Variants in RNFT1 observed in about 807,000 individuals in gnomAD.
RNFT1 encodes the protein ring finger protein, transmembrane 1.
RNFT1 carries 35 observed loss-of-function variants against 53.2 expected under a neutral mutation model. The observed-to-expected ratio is 0.66, with a 90% CI of 0.50 to 0.87. The LOEUF (loss-of-function observed/expected upper bound fraction) is 0.87. Ranked by LOEUF, RNFT1 falls within the 40% of genes least tolerant of loss-of-function variation. The pLI is 0.00. For synonymous variants in RNFT1, 141 were observed against 172.8 expected (o/e 0.82, Z 1.44); for missense variants, 421 against 515.0 (o/e 0.82, Z 1.77).
intron 7 of RNFT1, among the ~76,000 whole-genome samples, chr17:59,954,593 A>T (rs2045242523): frequency 6.6e-6 from 1 of 152,202 alleles, no homozygotes; most frequent in Non-Finnish European, 1.5e-5. Context: ...CTTTAAAAAT[A>T]GATTTCTCTG....
In RNFT1 at chr17:59,956,340, C is replaced by T. The variant is rs2045254050; in HGVS notation, c.1071+148G>A. The T allele has an allele frequency of 1.9e-5, 12 of 619,286 alleles. No individual in the cohort carries two copies. The East Asian group carries it at 3.6e-4, about 18-fold the overall frequency. 38.4% of individuals were successfully genotyped at this position (619,286 alleles called of 1,614,324 possible). A position where few individuals can be genotyped will look rare whatever the true frequency, so the allele number is the denominator to read the frequency against. On this transcript the variant is annotated intron_variant, in intron 7 of 8. Coordinates refer to ENST00000305783, the MANE Select transcript of RNFT1 (RefSeq NM_016125.4). ...ATAAAACTCCTAAATTATTATAGCC[C>T]CAAGTGCCAAAGTACTAGAAAATAA...
At chr17:59,958,577 A>G in intron 4 of RNFT1, 133 bp from the exon 5 acceptor site, 2 of 771,072 alleles carry the variant, frequency 2.6e-6, no homozygotes, top group South Asian at 3.2e-5. Flanking sequence ...GTCAGAGTTC[A>G]CAATAATGGA....
intron 7 of RNFT1, among the ~76,000 whole-genome samples, chr17:59,955,581 A>C (rs369039672): frequency 8.5e-5 from 13 of 152,334 alleles, no homozygotes; most frequent in African/African-American, 3.1e-4. Context: ...ACTTGGACAA[A>C]GCTGAACTCT....
chr17:59,958,461 A>G lies in RNFT1; in HGVS notation c.693-17T>C. ...AAAATTAAGCTACCAAAAGAAAAAC[A>G]TCAAAATTTATCAGAGCAACATACA... On this transcript the variant is annotated splice_polypyrimidine_tract_variant and intron_variant, in intron 4 of 8. Coordinates refer to ENST00000305783, the MANE Select transcript of RNFT1 (RefSeq NM_016125.4). 6.6e-7 allele frequency: 1 copy of G among 1,524,030 alleles called. No homozygotes were observed. 94.4% of individuals were successfully genotyped at this position (1,524,030 alleles called of 1,614,324 possible).
chr17:59,953,119 G>A lies in RNFT1; in HGVS notation c.1174-8C>T, dbSNP rs1214363095. On this transcript the variant is annotated splice_polypyrimidine_tract_variant and splice_region_variant and intron_variant, in intron 8 of 8. Coordinates refer to ENST00000305783, the MANE Select transcript of RNFT1 (RefSeq NM_016125.4). Reference sequence around the variant, plus strand: ...CTCTTCACAAAATATATGCTGTAATGGAATTAAGAATTAGATTTGATATTT... The same window carrying A: ...CTCTTCACAAAATATATGCTGTAATAGAATTAAGAATTAGATTTGATATTT... The A allele has an allele frequency of 6.3e-7, 1 of 1,585,220 alleles. No individual in the cohort carries two copies. Among genetic ancestry groups the A allele is most frequent in the Non-Finnish European group, 8.6e-7 (1 of 1,157,924 alleles).
Position 59,956,547 on chromosome 17 carries a change from C to T in RNFT1, c.1012G>A (p.Glu338Lys). 1 of 1,612,188 alleles carries T rather than the reference C, an allele frequency of 6.2e-7. No homozygotes were observed. The highest frequency in any genetic ancestry group is 8.5e-7 in the Non-Finnish European group (1 of 1,178,876). Residue 338 changes from glutamate to lysine, a missense_variant, in exon 7 of 9, where the codon GAA (glutamate) becomes AAA (lysine). Coordinates refer to ENST00000305783, the MANE Select transcript of RNFT1 (RefSeq NM_016125.4). ...ALLYLILKLL[E>K]FFGHLRTFRQ... ...AAAGTTCTCAGATGCCCAAAAAATTCCAAAAGCTGAAAAGAGAAATAAGAG... is the reference window on the plus strand; with the variant it reads ...AAAGTTCTCAGATGCCCAAAAAATTTCAAAAGCTGAAAAGAGAAATAAGAG...
chr17:59,961,048 CT>C (rs2045288472), intron 3 of RNFT1, among the ~76,000 whole-genome samples: 1 of 135,084 alleles, frequency 7.4e-6, no homozygotes, highest in Non-Finnish European at 1.6e-5. Context: ...TTTTTTTTTA[CT>C]TTTTTGAGAC....
At position 59,952,997 on chromosome 17, in the gene RNFT1, A is replaced by G. The variant is rs778507676; in HGVS notation, c.1288T>C (p.Ser430Pro). The G allele has an allele frequency of 3.7e-6, 6 of 1,613,142 alleles. No individual in the cohort carries two copies. Among genetic ancestry groups the G allele is most frequent in the Non-Finnish European group, 5.1e-6 (6 of 1,179,734 alleles). The change falls in exon 9 of 9, where the codon TCA becomes CCA. Residue 430 changes from serine to proline, a missense_variant. Physicochemically the swap from Ser to Pro is moderately conservative, Grantham distance 74 (BLOSUM62 -1). Coordinates refer to ENST00000305783, the MANE Select transcript of RNFT1 (RefSeq NM_016125.4). ...INKWKDGATS[S>P]HLQIY is the part of the protein sequence containing the mutation. Reference sequence around the variant, plus strand: ...ACAACTTAATATATTTGAAGGTGTGATGAAGTGGCTCCATCCTTCCATTTG... The same window carrying G: ...ACAACTTAATATATTTGAAGGTGTGGTGAAGTGGCTCCATCCTTCCATTTG...
intron 8 of RNFT1, 78 bp downstream of exon 8, chr17:59,953,967 A>C (rs183609874): frequency 2.9e-4 from 253 of 861,778 alleles, no homozygotes; most frequent in Non-Finnish European, 1.9e-4. Flanking sequence ...TTTTTGCCTT[A>C]CAGCAAACAT....
intron 3 of RNFT1, among the ~76,000 whole-genome samples, chr17:59,961,780 T>C (rs1017682941): frequency 6.6e-6 from 1 of 152,036 alleles, no homozygotes; most frequent in African/African-American, 2.4e-5. Flanking sequence ...TTTCACCACA[T>C]TGGCCAGGCT....
chr17:59,963,212 G>A lies in RNFT1; in HGVS notation c.129C>T (p.Ser43=), dbSNP rs547736586. ...KYLRAMQANR[S]QLHSPPGTGS... ...CAGTTCCTGGAGGACTGTGCAGTTG[G>A]CTACGATTGGCTTGCATGGCCCTTA... The change falls in exon 2 of 9, where the codon AGC becomes AGT. Residue 43 remains serine, a synonymous_variant. Transcript: ENST00000305783. 6.2e-7 allele frequency: 1 copy of A among 1,614,036 alleles called. No homozygotes were observed. The highest frequency in any genetic ancestry group is 2.2e-5 in the East Asian group (1 of 44,884).
Position 59,964,687 on chromosome 17 carries a change from G to T in RNFT1, c.-24C>A. 2 of 1,590,212 alleles carry T rather than the reference G, an allele frequency of 1.3e-6. No individual in the cohort carries two copies. Among genetic ancestry groups the T allele is most frequent in the Non-Finnish European group, 1.7e-6 (2 of 1,168,456 alleles). ...ATACACCGCCTCCAGCCCTTCAGTC[G>T]GGGCCATCAACCGCAAACCCCGCAA... is the stretch of plus-strand genomic sequence containing the variant. On this transcript the variant is annotated 5_prime_UTR_variant, in exon 1 of 9. Transcript: ENST00000305783.
chr17:59,956,258 C>T (rs558720907), intron 7 of RNFT1, among the ~76,000 whole-genome samples: 367 of 152,232 alleles, frequency 2.4e-3, no homozygotes, highest in Admixed American at 3.3e-3. Context: ...AATATATAAG[C>T]ACTGCAACAA....
chr17:59,957,170 A>G (rs2045258939), intron 6 of RNFT1, 54 bp downstream of exon 6: 1 of 1,526,722 alleles, frequency 6.5e-7, no homozygotes, highest in Admixed American at 1.9e-5. Context: ...AGTAGTATGT[A>G]TCAGTAATCA....
intron 7 of RNFT1, among the ~76,000 whole-genome samples, chr17:59,955,116 A>G (rs779805446): frequency 8.5e-5 from 13 of 152,212 alleles, no homozygotes; most frequent in Admixed American, 2.6e-4. Flanking sequence ...GACTTAACAT[A>G]GCTGAAGTTA....
intron 3 of RNFT1, among the ~76,000 whole-genome samples, chr17:59,960,551 T>G (rs2045283743): frequency 6.6e-6 from 1 of 150,786 alleles, no homozygotes. Flanking sequence ...TGGCTCACAC[T>G]TGTAATCCCA....
At chr17:59,953,948 A>ATTT in intron 8 of RNFT1, 97 bp downstream of exon 8, 1 of 614,280 alleles carries the variant, frequency 1.6e-6, no homozygotes, top group Admixed American at 3.7e-5. Flanking sequence ...TAAACACTAG[A>ATTT]TTTTTTTTTT....
chr17:59,952,792 T>C lies in RNFT1; in HGVS notation c.*185A>G, dbSNP rs537690934. On this transcript the variant is annotated 3_prime_UTR_variant, in exon 9 of 9. Coordinates refer to ENST00000305783, the MANE Select transcript of RNFT1 (RefSeq NM_016125.4). ...GTTGCATATACATTAGGTTGAACAT[T>C]ATATATATTTTAAAACACAGGGTGG... The C allele has an allele frequency of 1.7e-4, 88 of 509,430 alleles. 1 individual carries two copies. Among genetic ancestry groups the C allele is most frequent in the African/African-American group, 1.5e-3 (79 of 52,044 alleles). The allele number at this position is 509,430 out of a possible 1,614,324, so 31.6% of individuals were successfully genotyped here. A position where few individuals can be genotyped will look rare whatever the true frequency, so the allele number is the denominator to read the frequency against.
chr17:59,962,636 A>C lies in RNFT1; in HGVS notation c.515-20T>G. 1 of 1,552,834 alleles carries C rather than the reference A, an allele frequency of 6.4e-7. No individual in the cohort carries two copies. The highest frequency in any genetic ancestry group is 8.7e-7 in the Non-Finnish European group (1 of 1,144,180). On this transcript the variant is annotated intron_variant, in intron 2 of 8. Transcript: ENST00000305783. ...AAATTCCTGTTAGAAAATAAGTTCCAGTTAATTGAAAGAAAAAAAAATCAA... is the reference window on the plus strand; with the variant it reads ...AAATTCCTGTTAGAAAATAAGTTCCCGTTAATTGAAAGAAAAAAAAATCAA...
Sources: gnomAD v4.1 joint callset for allele counts (sites outside exome capture counted in the v4.1 genomes callset) on GRCh38, gnomAD v4.1.1 for gene constraint, MANE v1.5 for transcripts, NCBI Gene and HGNC (gene_info 2026-07-23, HGNC 2026-07-21) for gene names.